Variants in PKHD1 observed in about 807,000 individuals in gnomAD.
The protein encoded by PKHD1 is PKHD1 ciliary IPT domain containing fibrocystin/polyductin.
A neutral mutation model predicts 412.0 loss-of-function variants in PKHD1; 291 were observed. That is an observed-to-expected ratio of 0.71 (90% CI 0.64 to 0.78). The LOEUF (loss-of-function observed/expected upper bound fraction) is 0.78, where lower values mean the gene tolerates loss of function less well. Among genes scored for constraint, PKHD1 ranks in the 30% least tolerant of loss-of-function variants. The pLI is 0.00. For missense variants in PKHD1, 4,825 were observed against 4,950.7 expected (o/e 0.97, Z 0.76); for synonymous variants, 1,777 against 1,821.5 (o/e 0.98, Z 0.62).
chr6:51,865,069 G>A (rs1774836021), intron 48 of PKHD1, among the ~76,000 whole-genome samples: 2 of 152,142 alleles, frequency 1.3e-5, no homozygotes, highest in African/African-American at 2.4e-5. Flanking sequence ...TACATTGGCA[G>A]AACTAACACT....
intron 50 of PKHD1, among the ~76,000 whole-genome samples, chr6:51,845,816 AT>A (rs560320108): frequency 2.0e-5 from 3 of 152,118 alleles, no homozygotes; most frequent in Non-Finnish European, 2.9e-5. Context: ...GCATGATTTA[AT>A]TTTTTTTCTT....
At chr6:52,041,062 G>A (rs1804793794) in intron 27 of PKHD1, among the ~76,000 whole-genome samples, 1 of 152,222 alleles carries the variant, frequency 6.6e-6, no homozygotes, top group South Asian at 2.1e-4. Flanking sequence ...GTACCTTAAA[G>A]AAGACAATGC....
intron 52 of PKHD1, among the ~76,000 whole-genome samples, chr6:51,822,720 A>C (rs189006816): frequency 1.3e-3 from 199 of 152,220 alleles, no homozygotes; most frequent in African/African-American, 4.5e-3. Flanking sequence ...CTATAATGGA[A>C]TTTATTATCC....
rs577896945 is a variant in PKHD1, at chr6:51,831,444, TATA to T, written c.8174-458_8174-456del. Among the ~76,000 whole-genome samples the T allele has an allele frequency of 1.9e-3, 284 of 152,322 alleles. 1 individual carries two copies. Among genetic ancestry groups the T allele is most frequent in the African/African-American group, 6.1e-3 (253 of 41,588 alleles). On this transcript the variant is annotated intron_variant, in intron 51 of 66. Coordinates refer to ENST00000371117, the MANE Select transcript of PKHD1 (RefSeq NM_138694.4). The stretch of plus-strand genomic sequence containing the variant: ...GCTTAGCCTATTTTCCTATGCATTT[TATA>T]ATATTATTTAAATGCCTTGTAAACA...
At chr6:51,733,142 T>C (rs904644788) in intron 60 of PKHD1, among the ~76,000 whole-genome samples, 2 of 152,126 alleles carry the variant, frequency 1.3e-5, no homozygotes, top group Non-Finnish European at 2.9e-5. Flanking sequence ...TTAATGACAT[T>C]AGAGTTTCAG....
intron 60 of PKHD1, among the ~76,000 whole-genome samples, chr6:51,690,485 A>G (rs1172641326): frequency 1.3e-5 from 2 of 152,140 alleles, no homozygotes; most frequent in Non-Finnish European, 2.9e-5. Context: ...CCAATGAAAC[A>G]GAAGAGAGAA....
chr6:51,896,823 G>C (rs958260928), intron 43 of PKHD1, among the ~76,000 whole-genome samples: 1 of 151,676 alleles, frequency 6.6e-6, no homozygotes. Context: ...GCTTAAAGGA[G>C]CTGATGGAGC....
intron 35 of PKHD1, among the ~76,000 whole-genome samples, chr6:51,972,297 C>T (rs1793785500): frequency 6.6e-6 from 1 of 152,192 alleles, no homozygotes; most frequent in Non-Finnish European, 1.5e-5. Flanking sequence ...GTTCTTTAAG[C>T]TTCACGTTTG....
At chr6:51,689,282 G>A (rs1039293591) in intron 60 of PKHD1, among the ~76,000 whole-genome samples, 10 of 152,086 alleles carry the variant, frequency 6.6e-5, no homozygotes, top group African/African-American at 1.7e-4. Context: ...AAAGGCCTTC[G>A]ATAAAATTCG....
chr6:51,674,925 T>C (rs1490308515), intron 60 of PKHD1, among the ~76,000 whole-genome samples: 1 of 152,178 alleles, frequency 6.6e-6, no homozygotes, highest in East Asian at 1.9e-4. Context: ...CAAGTAATAT[T>C]AATTATCCAC....
chr6:51,861,664 C>G (rs985744922), intron 48 of PKHD1, among the ~76,000 whole-genome samples: 19 of 152,222 alleles, frequency 1.2e-4, no homozygotes, highest in Non-Finnish European at 1.0e-4. Flanking sequence ...CACAGCACCA[C>G]TATTCTATCT....
intron 60 of PKHD1, among the ~76,000 whole-genome samples, chr6:51,693,068 T>C (rs1365819523): frequency 6.6e-6 from 1 of 152,194 alleles, no homozygotes; most frequent in East Asian, 1.9e-4. Flanking sequence ...GACCTGATCA[T>C]TTATGAAGTG....
chr6:51,849,579 T>C (rs1207264833), intron 49 of PKHD1, among the ~76,000 whole-genome samples: 3 of 152,334 alleles, frequency 2.0e-5, no homozygotes, highest in Middle Eastern at 3.4e-3. Context: ...TTTTTAATAA[T>C]TGCCATTCTG....
intron 48 of PKHD1, among the ~76,000 whole-genome samples, chr6:51,860,750 T>G (rs561524019): frequency 7.9e-5 from 12 of 152,128 alleles, no homozygotes; most frequent in African/African-American, 1.2e-4. Flanking sequence ...AAGCCTTACA[T>G]GTTGTTTTTC....
At chr6:51,666,139 AG>A (rs57174966) in intron 60 of PKHD1, among the ~76,000 whole-genome samples, 22,010 of 152,168 alleles carry the variant, frequency 0.14, 1,575 homozygotes, top group East Asian at 0.27. Flanking sequence ...CTGTTACTTT[AG>A]TGCTTATACA....
chr6:51,703,031 T>C (rs140121935), intron 60 of PKHD1, among the ~76,000 whole-genome samples: 112 of 151,322 alleles, frequency 7.4e-4, no homozygotes, highest in African/African-American at 2.6e-3. Flanking sequence ...AAAAGACAAA[T>C]AGACAAAGCA....
intron 13 of PKHD1, 137 bp downstream of exon 13, chr6:52,064,818 G>A (rs1809258918): frequency 4.5e-6 from 2 of 443,834 alleles, no homozygotes; most frequent in Admixed American, 2.7e-5. Context: ...CTTGACAATG[G>A]TATCATGGAC....
intron 53 of PKHD1, among the ~76,000 whole-genome samples, chr6:51,782,944 C>A (rs529831591): frequency 1.3e-5 from 2 of 152,190 alleles, no homozygotes; most frequent in South Asian, 4.1e-4. Context: ...ATGGATTTTT[C>A]TTCTTCTTTA....
chr6:51,912,585 G>A lies in PKHD1; in HGVS notation c.6122-9C>T. 6.3e-7 allele frequency: 1 copy of A among 1,593,572 alleles called. No individual in the cohort carries two copies. The highest frequency in any genetic ancestry group is 8.6e-7 in the Non-Finnish European group (1 of 1,161,682). ...TACTTCTGGTAGTGAACCTAAAGCA[G>A]CCCGAGGAAAAGTTGTCCAGATAAT... On this transcript the variant is annotated splice_polypyrimidine_tract_variant and intron_variant, in intron 37 of 66. Transcript: ENST00000371117.
Sources: gnomAD v4.1 joint callset for allele counts (sites outside exome capture counted in the v4.1 genomes callset) on GRCh38, gnomAD v4.1.1 for gene constraint, MANE v1.5 for transcripts, NCBI Gene and HGNC (gene_info 2026-07-23, HGNC 2026-07-21) for gene names.